Variants in RALYL observed in about 807,000 individuals in gnomAD.
The protein encoded by RALYL is RALY RNA binding protein like, also known as RNA-binding Raly-like protein.
RALYL carries 29 observed loss-of-function variants against 35.1 expected under a neutral mutation model. The observed-to-expected ratio is 0.83, with a 90% CI of 0.61 to 1.13. RALYL has a LOEUF of 1.13. Ranked by LOEUF, RALYL falls within the 50% of genes most tolerant of loss-of-function variation. RALYL has a pLI of 0.00. For missense variants in RALYL, 359 were observed against 360.4 expected (o/e 1.00, Z 0.03); for synonymous variants, 120 against 127.6 (o/e 0.94, Z 0.40).
At chr8:84,434,973 CT>C (rs1368645713) in intron 1 of RALYL, among the ~76,000 whole-genome samples, 1 of 152,078 alleles carries the variant, frequency 6.6e-6, no homozygotes. Context: ...AGGAGATAAA[CT>C]GATATTTGAA....
In RALYL at chr8:84,458,650, TATAAA is replaced by T. The variant is rs548247822; in HGVS notation, c.-23-70647_-23-70643del. Among the ~76,000 whole-genome samples, 132 of 151,900 alleles carry T rather than the reference TATAAA, an allele frequency of 8.7e-4. 3 individuals are homozygous for T. In the South Asian group the frequency reaches 0.024, roughly 28 times the overall value. On this transcript the variant is annotated intron_variant, in intron 1 of 8. Coordinates refer to ENST00000521268, the MANE Select transcript of RALYL (RefSeq NM_173848.7). ...CAAACTTATAAAAATATTTCAGTCTTATAAAAAGAAAAGGTAAATCAAAGTTGGAA... is the reference window on the plus strand; with the variant it reads ...CAAACTTATAAAAATATTTCAGTCTTAAGAAAAGGTAAATCAAAGTTGGAA...
intron 5 of RALYL, among the ~76,000 whole-genome samples, chr8:84,860,399 A>G (rs950598875): frequency 6.6e-6 from 1 of 152,222 alleles, no homozygotes; most frequent in African/African-American, 2.4e-5. Flanking sequence ...GTCAATTGCC[A>G]TATTTTCTTT....
intron 2 of RALYL, among the ~76,000 whole-genome samples, chr8:84,728,309 T>G (rs1845409966): frequency 6.6e-6 from 1 of 152,176 alleles, no homozygotes; most frequent in Non-Finnish European, 1.5e-5. Flanking sequence ...TCGCCTACTT[T>G]TTGATGGGGT....
chr8:84,750,125 G>GCCCA (rs1809600597), intron 2 of RALYL, among the ~76,000 whole-genome samples: 1 of 152,060 alleles, frequency 6.6e-6, no homozygotes, highest in South Asian at 2.1e-4. Flanking sequence ...GAAAGAACTG[G>GCCCA]GTCACTCCAG....
At chr8:84,268,274 A>G (rs552441526) in intron 1 of RALYL, among the ~76,000 whole-genome samples, 2 of 152,190 alleles carry the variant, frequency 1.3e-5, no homozygotes, top group Non-Finnish European at 2.9e-5. Flanking sequence ...AACCAGTGAC[A>G]ACATTCCGTA....
intron 2 of RALYL, among the ~76,000 whole-genome samples, chr8:84,609,258 A>G (rs900359668): frequency 6.6e-6 from 1 of 152,188 alleles, no homozygotes; most frequent in African/African-American, 2.4e-5. Context: ...GTCTGAGTTT[A>G]ATTCTGAGGA....
At chr8:84,800,620 A>G (rs897049577) in intron 3 of RALYL, among the ~76,000 whole-genome samples, 2 of 142,548 alleles carry the variant, frequency 1.4e-5, no homozygotes, top group African/African-American at 5.2e-5. Context: ...CCTATTTCAC[A>G]TGAAAAGTAA....
intron 2 of RALYL, among the ~76,000 whole-genome samples, chr8:84,554,780 A>G (rs2060979363): frequency 6.6e-6 from 1 of 152,246 alleles, no homozygotes; most frequent in African/African-American, 2.4e-5. Flanking sequence ...ATAATACTAT[A>G]TAAATGCAAG....
chr8:84,769,096 T>C (rs980748149), intron 2 of RALYL, among the ~76,000 whole-genome samples: 4 of 152,222 alleles, frequency 2.6e-5, no homozygotes, highest in Non-Finnish European at 5.9e-5. Flanking sequence ...GCTAGAAATA[T>C]ATAAAAGATG....
intron 1 of RALYL, among the ~76,000 whole-genome samples, chr8:84,365,777 A>G (rs1000343217): frequency 2.2e-4 from 33 of 152,214 alleles, no homozygotes; most frequent in Admixed American, 1.1e-3. Flanking sequence ...TTAGAAGGAA[A>G]TGGTTAGTAC....
chr8:84,339,799 G>T (rs922451853), intron 1 of RALYL, among the ~76,000 whole-genome samples: 5 of 151,972 alleles, frequency 3.3e-5, no homozygotes, highest in African/African-American at 1.2e-4. Context: ...TCCTAGTTCT[G>T]CTCACAAGAC....
At chr8:84,516,083 T>C (rs938503992) in intron 1 of RALYL, among the ~76,000 whole-genome samples, 2 of 152,020 alleles carry the variant, frequency 1.3e-5, no homozygotes, top group African/African-American at 4.8e-5. Context: ...TTAATTCAAA[T>C]TGGCAATATC....
intron 4 of RALYL, among the ~76,000 whole-genome samples, chr8:84,825,871 C>T (rs1224499369): frequency 2.0e-5 from 3 of 151,924 alleles, no homozygotes; most frequent in Admixed American, 6.6e-5. Context: ...ATCTCAAAAA[C>T]CAAAAATATA....
chr8:84,711,297 TACTA>T (rs1842145780), intron 2 of RALYL, among the ~76,000 whole-genome samples: 1 of 152,200 alleles, frequency 6.6e-6, no homozygotes, highest in Non-Finnish European at 1.5e-5. Context: ...AATATGTATA[TACTA>T]ACTTTTAGAA....
intron 2 of RALYL, among the ~76,000 whole-genome samples, chr8:84,545,363 A>G (rs1278427493): frequency 3.3e-5 from 5 of 151,958 alleles, no homozygotes; most frequent in Non-Finnish European, 7.4e-5. Flanking sequence ...GGACAGTCCT[A>G]CTCCATGCTG....
chr8:84,324,131 G>A (rs907922702), intron 1 of RALYL, among the ~76,000 whole-genome samples: 2 of 152,022 alleles, frequency 1.3e-5, no homozygotes, highest in African/African-American at 2.4e-5. Flanking sequence ...GTATTCTAAT[G>A]TATCTTAGAA....
At chr8:84,863,302 G>A (rs1838494420) in intron 6 of RALYL, among the ~76,000 whole-genome samples, 1 of 152,222 alleles carries the variant, frequency 6.6e-6, no homozygotes, top group African/African-American at 2.4e-5. Context: ...CAGAGACAGA[G>A]CATTCTGTGG....
chr8:84,796,162 A>G (rs1472385283), intron 3 of RALYL, among the ~76,000 whole-genome samples: 1 of 152,230 alleles, frequency 6.6e-6, no homozygotes. Flanking sequence ...TGAGGAGGTC[A>G]GTGCCTGTAC....
intron 1 of RALYL, among the ~76,000 whole-genome samples, chr8:84,383,884 G>T (rs1047848271): frequency 4.0e-5 from 6 of 151,456 alleles, no homozygotes; most frequent in African/African-American, 1.5e-4. Context: ...AGAGATGTGG[G>T]TAAGTTTCTG....
Sources: allele counts gnomAD v4.1 joint callset (sites outside exome capture counted in the v4.1 genomes callset), GRCh38; gene constraint gnomAD v4.1.1; transcripts MANE v1.5; gene names NCBI Gene and HGNC (gene_info 2026-07-23, HGNC 2026-07-21).